The following ACTR3C variants were observed in gnomAD, a reference collection of about 807,000 sequenced individuals.
ACTR3C encodes the protein actin related protein 3C.
ACTR3C carries 18 observed loss-of-function variants against 26.3 expected under a neutral mutation model. The observed-to-expected ratio is 0.68, with a 90% CI of 0.47 to 1.01. The LOEUF is 1.01. Ranked by LOEUF, ACTR3C falls within the 50% of genes least tolerant of loss-of-function variation. ACTR3C has a pLI of 0.00. For missense variants in ACTR3C, 184 were observed against 250.7 expected, an observed-to-expected ratio of 0.73 and a Z score of 1.80; for synonymous variants, 55 against 94.5, an observed-to-expected ratio of 0.58 and a Z score of 2.42.
At chr7:149,912,175 C>A in the ACTR3C span, among the ~76,000 whole-genome samples, 162 of 151,510 alleles carry the variant, frequency 1.1e-3, 1 homozygote, top group Non-Finnish European at 1.3e-4. Context: ...CTAGTAGATA[C>A]CTGATAGGCC....
the ACTR3C span, among the ~76,000 whole-genome samples, chr7:149,887,838 AT>A: frequency 6.6e-6 from 1 of 152,184 alleles, no homozygotes; most frequent in African/African-American, 2.4e-5. Context: ...TATTCTTGTG[AT>A]AGTGAATACG....
chr7:149,885,817 A>G, the ACTR3C span, among the ~76,000 whole-genome samples: 36,302 of 152,218 alleles, frequency 0.24, 4,462 homozygotes, highest in Middle Eastern at 0.29. Context: ...GCCGGCAGCA[A>G]TTGATTCAGC....
the ACTR3C span, among the ~76,000 whole-genome samples, chr7:150,147,347 GA>G: frequency 3.3e-5 from 5 of 151,560 alleles, no homozygotes; most frequent in South Asian, 2.1e-4. Context: ...AAAATATGAA[GA>G]AAAAAAGAGG....
At chr7:150,022,052 C>T in the ACTR3C span, among the ~76,000 whole-genome samples, 1 of 151,746 alleles carries the variant, frequency 6.6e-6, no homozygotes, top group South Asian at 2.1e-4. Context: ...ACACTGTTTT[C>T]CATAGTGGTT....
chr7:150,114,129 T>C, the ACTR3C span, among the ~76,000 whole-genome samples: 1 of 152,308 alleles, frequency 6.6e-6, no homozygotes, highest in South Asian at 2.1e-4. Flanking sequence ...GAAGCACTTG[T>C]GGAATTCCAA....
intron 1 of ACTR3C, among the ~76,000 whole-genome samples, chr7:150,297,807 A>G (rs192111420): frequency 0.018 from 2,631 of 143,678 alleles, 53 homozygotes; most frequent in African/African-American, 0.055. Context: ...AGCTGAGATC[A>G]CACCACTGCA....
At chr7:149,976,348 G>A in the ACTR3C span, among the ~76,000 whole-genome samples, 58 of 152,252 alleles carry the variant, frequency 3.8e-4, no homozygotes, top group Non-Finnish European at 1.2e-4. Flanking sequence ...GCTGAGGCGG[G>A]CGGATCACGA....
chr7:150,053,740 G>A, the ACTR3C span, among the ~76,000 whole-genome samples: 12 of 152,220 alleles, frequency 7.9e-5, no homozygotes, highest in African/African-American at 1.2e-4. Flanking sequence ...ATCCTGCCAC[G>A]TAAATTGGTA....
chr7:150,253,514 C>A (rs1371127582), intron 6 of ACTR3C, among the ~76,000 whole-genome samples: 2 of 152,108 alleles, frequency 1.3e-5, no homozygotes, highest in Admixed American at 1.3e-4. Context: ...AACCTGAGAT[C>A]CCTTTTCTCT....
At chr7:149,907,237 C>T in the ACTR3C span, among the ~76,000 whole-genome samples, 1 of 97,598 alleles carries the variant, frequency 1.0e-5, no homozygotes, top group African/African-American at 4.0e-5. Context: ...TCCCACAGCA[C>T]CCCTGCTTCT....
At chr7:150,106,386 AG>A in the ACTR3C span, among the ~76,000 whole-genome samples, 1 of 72,644 alleles carries the variant, frequency 1.4e-5, no homozygotes, top group Non-Finnish European at 3.2e-5. Flanking sequence ...CACCATGGCT[AG>A]GCAGAGAAAA....
chr7:150,286,885 T>A (rs1338163340), intron 4 of ACTR3C, among the ~76,000 whole-genome samples: 1 of 152,002 alleles, frequency 6.6e-6, no homozygotes, highest in Non-Finnish European at 1.5e-5. Flanking sequence ...TCCTATGGCC[T>A]GCTCTGGCAC....
At chr7:150,247,119 T>C (rs979724154), downstream of ACTR3C, 3 of 152,210 alleles carry the variant, frequency 2.0e-5, no homozygotes, top group Non-Finnish European at 2.9e-5. Flanking sequence ...TAATAACCTA[T>C]AGGGTTGTCA....
the ACTR3C span, among the ~76,000 whole-genome samples, chr7:149,893,550 A>C: frequency 5.3e-5 from 8 of 152,350 alleles, no homozygotes; most frequent in East Asian, 1.3e-3. Context: ...GAAGCTTAAC[A>C]ATCTATCAAG....
the ACTR3C span, among the ~76,000 whole-genome samples, chr7:150,114,386 G>T: frequency 4.6e-5 from 7 of 151,478 alleles, no homozygotes; most frequent in African/African-American, 1.7e-4. Flanking sequence ...CAAATACCTC[G>T]CTGGATCACA....
At chr7:150,119,598 A>G in the ACTR3C span, among the ~76,000 whole-genome samples, 1 of 152,088 alleles carries the variant, frequency 6.6e-6, no homozygotes, top group Non-Finnish European at 1.5e-5. Flanking sequence ...TTCTTAGAGA[A>G]CTACAAAGAG....
At chr7:150,021,743 C>T in the ACTR3C span, among the ~76,000 whole-genome samples, 10 of 151,446 alleles carry the variant, frequency 6.6e-5, no homozygotes, top group Non-Finnish European at 1.2e-4. Flanking sequence ...TCTTGAGTTA[C>T]TTCACTTAGA....
chr7:149,966,113 G>A, the ACTR3C span, among the ~76,000 whole-genome samples: 17 of 152,308 alleles, frequency 1.1e-4, no homozygotes, highest in South Asian at 2.1e-4. Flanking sequence ...TTGTTTTGGC[G>A]TCTTGCAGGG....
intron 6 of ACTR3C, among the ~76,000 whole-genome samples, chr7:150,264,305 A>C (rs1833867231): frequency 6.6e-6 from 1 of 152,378 alleles, no homozygotes; most frequent in South Asian, 2.1e-4. Context: ...AGCACTGTGC[A>C]TGGGCACCAT....
Sources: allele counts gnomAD v4.1 joint callset (sites outside exome capture counted in the v4.1 genomes callset), GRCh38; gene constraint gnomAD v4.1.1; transcripts MANE v1.5; gene names NCBI Gene and HGNC (gene_info 2026-07-23, HGNC 2026-07-21).